Variants in NGLY1 observed in about 807,000 individuals in gnomAD.
NGLY1 encodes the protein peptide-N(4)-(N-acetyl-beta-glucosaminyl)asparagine amidase.
In NGLY1, 68 loss-of-function variants were observed where a neutral mutation model predicts 84.6. That is an observed-to-expected ratio of 0.80 (90% CI 0.66 to 0.98). NGLY1 has a LOEUF of 0.98. NGLY1 is among the 50% of genes least tolerant of loss of function. NGLY1 has a pLI of 0.00. For missense variants in NGLY1, 779 were observed against 770.2 expected (o/e 1.01, Z -0.14); for synonymous variants, 280 against 275.2 (o/e 1.02, Z -0.17).
At chr3:25,755,795 T>A in intron 3 of NGLY1, 1 of 626,160 alleles carries the variant, frequency 1.6e-6, no homozygotes, top group Non-Finnish European at 2.7e-6. Flanking sequence ...TCATATTAGT[T>A]AAAACTGTTA....
upstream of NGLY1, among the ~76,000 whole-genome samples, chr3:25,786,880 T>C (rs1708618173): frequency 6.6e-6 from 1 of 152,270 alleles, no homozygotes; most frequent in Non-Finnish European, 1.5e-5. Flanking sequence ...AGGATAAATG[T>C]TGATTTATTC....
In NGLY1 at chr3:25,757,132, A is replaced by C. The variant is rs1707080609; in HGVS notation, c.493-5869T>G. On this transcript the variant is annotated intron_variant, in intron 3 of 11. Transcript: ENST00000280700. ...CTAAGAAAAAGTCCAGTAACAGAGA[A>C]GAAATGTCTCAAATGTCTCATCAGT... Among the ~76,000 whole-genome samples, 3 of 152,364 alleles carry C rather than the reference A, an allele frequency of 2.0e-5. No individual in the cohort carries two copies. The South Asian group carries it at 6.2e-4, about 32-fold the overall frequency.
Position 25,737,382 on chromosome 3 carries a change from A to AC in NGLY1, c.954dup (p.Cys319ValfsTer8), listed in dbSNP as rs1276921953. 1.2e-6 allele frequency: 2 copies of AC among 1,614,000 alleles called. No individual in the cohort carries two copies. Among genetic ancestry groups the AC allele is most frequent in the East Asian group, 4.5e-5 (2 of 44,874 alleles). On this transcript the variant is annotated frameshift_variant, in exon 6 of 12. Coordinates refer to ENST00000280700, the MANE Select transcript of NGLY1 (RefSeq NM_018297.4). LOFTEE classifies it high-confidence loss of function. ...GCTTCAAACCCTACAGCTCGGCAGC[A>AC]CAGTGTAAAACAATTGGCCCACTCG...
intron 3 of NGLY1, among the ~76,000 whole-genome samples, chr3:25,752,952 A>G (rs1706834578): frequency 6.6e-6 from 1 of 152,156 alleles, no homozygotes; most frequent in African/African-American, 2.4e-5. Context: ...AAAAAGAACA[A>G]ACAGACATTG....
rs1365898166 is a variant in NGLY1, at chr3:25,719,572, A to C, written c.1853T>G (p.Leu618Ter). ...GATEVILEAE[L>*]SRGDGDVAWQ... ...AGCGACATCACCATCTCCTCTGCTT[A>C]ATTCTGCTTCCAAAATAACTTCAGT... Residue 618 changes from leucine to a stop codon, truncating the protein, a stop_gained, in exon 12 of 12, where the codon TTA becomes TGA. Transcript: ENST00000280700. LOFTEE classifies it high-confidence loss of function. 1.9e-6 allele frequency: 3 copies of C among 1,614,028 alleles called. No homozygotes were observed. In the South Asian group the frequency reaches 3.3e-5, roughly 18 times the overall value.
At chr3:25,749,260 T>C (rs375899401) in intron 4 of NGLY1, among the ~76,000 whole-genome samples, 16 of 152,286 alleles carry the variant, frequency 1.1e-4, no homozygotes, top group East Asian at 3.9e-4. Flanking sequence ...CCAAAAATAA[T>C]TGAAACCAGG....
At chr3:25,745,211 G>T (rs1249641091) in intron 4 of NGLY1, among the ~76,000 whole-genome samples, 9 of 152,142 alleles carry the variant, frequency 5.9e-5, no homozygotes, top group Non-Finnish European at 1.3e-4. Context: ...TGGTTATTGA[G>T]TAGCTGAAAT....
chr3:25,743,845 A>G (rs1379977411), intron 4 of NGLY1, among the ~76,000 whole-genome samples: 2 of 152,180 alleles, frequency 1.3e-5, no homozygotes, highest in East Asian at 1.9e-4. Flanking sequence ...AGGACTACTA[A>G]ACAGTAACAC....
At chr3:25,783,454 C>T (rs1708521255), upstream of NGLY1, 3 of 1,410,414 alleles carry the variant, frequency 2.1e-6, no homozygotes, top group African/African-American at 4.6e-5. The surrounding 1 kb of genome is among the most constrained non-coding windows in gnomAD (Gnocchi z 4.5). Flanking sequence ...GAGCAGGCGC[C>T]TCAGCGCGCA....
intron 3 of NGLY1, among the ~76,000 whole-genome samples, chr3:25,753,637 A>G (rs372429333): frequency 1.3e-5 from 2 of 152,212 alleles, no homozygotes; most frequent in East Asian, 3.9e-4. Flanking sequence ...AAAAACTTAC[A>G]TTACAGATTT....
intron 6 of NGLY1, chr3:25,736,366 C>T (rs1186497992): frequency 1.9e-6 from 3 of 1,551,396 alleles, no homozygotes; most frequent in Admixed American, 2.0e-5. Context: ...TCTCCTTTAA[C>T]GTGGTCAGTT....
intron 11 of NGLY1, 114 bp downstream of exon 11, chr3:25,719,900 A>G: frequency 1.1e-6 from 1 of 878,248 alleles, no homozygotes; most frequent in East Asian, 2.8e-5. Context: ...TTTTTTACTG[A>G]AATAGTATTA....
upstream of NGLY1, among the ~76,000 whole-genome samples, chr3:25,786,423 AAAAT>A (rs563528002): frequency 4.1e-4 from 63 of 152,338 alleles, 1 homozygote; most frequent in South Asian, 3.9e-3. Context: ...TTTTGGAACA[AAAAT>A]AAATAAATAA....
At chr3:25,750,819 T>C (rs1186692250) in intron 4 of NGLY1, among the ~76,000 whole-genome samples, 2 of 152,178 alleles carry the variant, frequency 1.3e-5, no homozygotes, top group African/African-American at 4.8e-5. Flanking sequence ...TGTCCCTCAG[T>C]ATATGCTGGG....
At chr3:25,772,144 G>A (rs1707926203) in intron 2 of NGLY1, among the ~76,000 whole-genome samples, 1 of 152,180 alleles carries the variant, frequency 6.6e-6, no homozygotes, top group Non-Finnish European at 1.5e-5. Context: ...TCCCTGTTCA[G>A]TGTACTGTTG....
At chr3:25,763,056 C>A (rs562594659) in intron 3 of NGLY1, among the ~76,000 whole-genome samples, 13 of 151,922 alleles carry the variant, frequency 8.6e-5, no homozygotes, top group Admixed American at 4.6e-4. Flanking sequence ...ACCTGGGAGG[C>A]AGAGGTTGCA....
intron 3 of NGLY1, among the ~76,000 whole-genome samples, chr3:25,757,358 T>C (rs1304282488): frequency 6.6e-6 from 1 of 152,172 alleles, no homozygotes; most frequent in East Asian, 1.9e-4. Flanking sequence ...TGACCTTACT[T>C]CACCTCTTAG....
In NGLY1 at chr3:25,744,021, T is replaced by G. The variant is rs143509171; in HGVS notation, c.659-4222A>C. Among the ~76,000 whole-genome samples the G allele has an allele frequency of 1.9e-3, 293 of 152,296 alleles. 3 individuals carry two copies. Among genetic ancestry groups the G allele is most frequent in the African/African-American group, 6.7e-3 (277 of 41,560 alleles). On this transcript the variant is annotated intron_variant, in intron 4 of 11. Coordinates refer to ENST00000280700, the MANE Select transcript of NGLY1 (RefSeq NM_018297.4). ...ACTGGGTTTATTTCAAAAATATAAT[T>G]AAGACTTCAAATTTCTAAAGTTACC... is the stretch of plus-strand genomic sequence containing the variant.
At position 25,783,336 on chromosome 3, in the gene NGLY1, C is replaced by A. The variant is rs1175429545; in HGVS notation, c.55G>T (p.Glu19Ter). 2 of 1,587,292 alleles carry A rather than the reference C, an allele frequency of 1.3e-6. No homozygotes were observed. The highest frequency in any genetic ancestry group is 2.3e-5 in the East Asian group (1 of 42,998). The change falls in exon 1 of 12, where the codon GAG becomes TAG. Residue 19 changes from glutamate to a stop codon, truncating the protein, a stop_gained. Coordinates refer to ENST00000280700, the MANE Select transcript of NGLY1 (RefSeq NM_018297.4). LOFTEE classifies it high-confidence loss of function. The surrounding 1 kb of genome is among the most constrained non-coding windows in gnomAD (Gnocchi z 4.5). ...GTCTCCGGGGTGTTCTGGCAGAGCT[C>A]AGCCACGGCCGGGGACGCCGAGCCT... ...SSGSASPAVA[E>*]LCQNTPETFL...
Sources: allele counts gnomAD v4.1 joint callset (sites outside exome capture counted in the v4.1 genomes callset), GRCh38; gene constraint gnomAD v4.1.1; non-coding constraint Gnocchi (gnomAD v3.1); transcripts MANE v1.5; gene names NCBI Gene and HGNC (gene_info 2026-07-23, HGNC 2026-07-21).